Variants in EPC1 observed in about 807,000 individuals in gnomAD.
EPC1 encodes the protein enhancer of polycomb 1.
In EPC1, 12 loss-of-function variants were observed where a neutral mutation model predicts 98.4. That is an observed-to-expected ratio of 0.12 (90% CI 0.08 to 0.20). EPC1 has a LOEUF of 0.20. Among genes scored for constraint, EPC1 ranks in the 10% least tolerant of loss-of-function variants. EPC1 has a pLI of 1.00. For missense variants in EPC1, 729 were observed against 990.5 expected (o/e 0.74, Z 3.54); for synonymous variants, 357 against 363.9 (o/e 0.98, Z 0.21).
At chr10:32,344,621 G>A (rs997070066) in intron 1 of EPC1, among the ~76,000 whole-genome samples, 7 of 151,976 alleles carry the variant, frequency 4.6e-5, no homozygotes, top group Non-Finnish European at 2.9e-5. Context: ...CCCCGTCTCT[G>A]TTAAAAGTAT....
At chr10:32,316,365 A>G (rs1836547131) in intron 1 of EPC1, among the ~76,000 whole-genome samples, 1 of 152,210 alleles carries the variant, frequency 6.6e-6, no homozygotes, top group Non-Finnish European at 1.5e-5. Flanking sequence ...GAAAGACGTG[A>G]GTAAGAATGT....
intron 1 of EPC1, among the ~76,000 whole-genome samples, chr10:32,311,516 T>C (rs1182862472): frequency 2.6e-5 from 4 of 151,264 alleles, no homozygotes; most frequent in African/African-American, 9.7e-5. Flanking sequence ...TAGGTTCTTC[T>C]AAGGCTTAAA....
intron 1 of EPC1, among the ~76,000 whole-genome samples, chr10:32,341,132 T>C (rs1564557019): frequency 6.6e-6 from 1 of 152,234 alleles, no homozygotes; most frequent in Non-Finnish European, 1.5e-5. Context: ...TCACAAATGA[T>C]ACAATTCCAT....
chr10:32,322,353 T>C (rs566439353), intron 1 of EPC1, among the ~76,000 whole-genome samples: 34 of 152,252 alleles, frequency 2.2e-4, no homozygotes, highest in African/African-American at 8.2e-4. Context: ...CAGAAAGTAA[T>C]GAGAAATGAG....
intron 1 of EPC1, among the ~76,000 whole-genome samples, chr10:32,329,349 G>C (rs1369484778): frequency 6.6e-6 from 1 of 152,214 alleles, no homozygotes; most frequent in Non-Finnish European, 1.5e-5. Flanking sequence ...CCAATGGATA[G>C]TGCAATGCTA....
chr10:32,344,528 G>A (rs1443164104), intron 1 of EPC1, among the ~76,000 whole-genome samples: 4 of 150,916 alleles, frequency 2.7e-5, no homozygotes. Flanking sequence ...GCTCATGCCT[G>A]TAATCCCAGC....
chr10:32,297,443 G>A lies in EPC1; in HGVS notation c.314-3706C>T, dbSNP rs1004583038. Among the ~76,000 whole-genome samples the A allele has an allele frequency of 3.3e-5, 5 of 151,566 alleles. No homozygotes were observed. The South Asian group carries it at 8.3e-4, about 25-fold the overall frequency. ...TGGGATTACACATGTCTGCCACCAC[G>A]CCCGGCAAATTTTTGTATTTTTTAG... On this transcript the variant is annotated intron_variant, in intron 2 of 13. Transcript: ENST00000319778.
At chr10:32,277,135 G>C (rs1209711832) in intron 10 of EPC1, among the ~76,000 whole-genome samples, 3 of 152,128 alleles carry the variant, frequency 2.0e-5, no homozygotes, top group Admixed American at 2.0e-4. Flanking sequence ...ATATTTACAA[G>C]AAATCTATCT....
intron 1 of EPC1, among the ~76,000 whole-genome samples, chr10:32,322,684 T>A (rs903890737): frequency 2.6e-5 from 4 of 152,248 alleles, no homozygotes; most frequent in African/African-American, 9.6e-5. Context: ...CATTTGTGCA[T>A]GTTTAAGATG....
At chr10:32,363,025 A>G (rs1451397742) in intron 1 of EPC1, among the ~76,000 whole-genome samples, 2 of 151,356 alleles carry the variant, frequency 1.3e-5, no homozygotes, top group Non-Finnish European at 2.9e-5. Flanking sequence ...ATTTACATCC[A>G]TAAAGGAAAT....
intron 1 of EPC1, among the ~76,000 whole-genome samples, chr10:32,375,779 A>G (rs944285597): frequency 6.6e-6 from 1 of 152,064 alleles, no homozygotes; most frequent in African/African-American, 2.4e-5. Flanking sequence ...GACTAAAATG[A>G]CATTTTGGGA....
intron 1 of EPC1, among the ~76,000 whole-genome samples, chr10:32,333,271 C>T (rs370968728): frequency 6.6e-6 from 1 of 152,056 alleles, no homozygotes; most frequent in East Asian, 1.9e-4. Context: ...ACCTGGGAGG[C>T]GGAGGTTGCA....
At chr10:32,272,965 A>T in intron 11 of EPC1, 198 bp downstream of exon 11, 1 of 1,494,964 alleles carries the variant, frequency 6.7e-7, no homozygotes, top group Non-Finnish European at 9.3e-7. Flanking sequence ...TAAGTGCTTT[A>T]GTTTTACTTT....
At chr10:32,328,227 A>T (rs1334695647) in intron 1 of EPC1, among the ~76,000 whole-genome samples, 1 of 152,226 alleles carries the variant, frequency 6.6e-6, no homozygotes, top group Non-Finnish European at 1.5e-5. Context: ...CAGAGATCCA[A>T]TTAAAATTGT....
intron 1 of EPC1, among the ~76,000 whole-genome samples, chr10:32,310,450 A>T (rs1887533): frequency 0.98 from 148,994 of 152,322 alleles, 72,943 homozygotes; most frequent in East Asian, 1. Flanking sequence ...GAAGCTGAAG[A>T]TTTTCATACC....
At chr10:32,317,569 G>A (rs754534712) in intron 1 of EPC1, among the ~76,000 whole-genome samples, 1 of 152,172 alleles carries the variant, frequency 6.6e-6, no homozygotes, top group East Asian at 1.9e-4. Flanking sequence ...TTGAGCCTGG[G>A]AGGTGGAGGT....
chr10:32,306,475 T>C (rs912792749), intron 1 of EPC1, among the ~76,000 whole-genome samples: 2 of 152,144 alleles, frequency 1.3e-5, no homozygotes, highest in African/African-American at 4.8e-5. Flanking sequence ...TCATACACAT[T>C]TCCAGAGCCC....
intron 1 of EPC1, among the ~76,000 whole-genome samples, chr10:32,358,597 A>G (rs1394757538): frequency 7.3e-6 from 1 of 137,884 alleles, no homozygotes; most frequent in African/African-American, 2.7e-5. Flanking sequence ...GTGGACTGTG[A>G]TCGCGTCACT....
At chr10:32,289,409 TC>T (rs2132717346) in intron 6 of EPC1, among the ~76,000 whole-genome samples, 1 of 148,912 alleles carries the variant, frequency 6.7e-6, no homozygotes, top group Admixed American at 6.8e-5. Flanking sequence ...TTTAAATAAC[TC>T]CCCGCCTCCC....
Sources: gnomAD v4.1 joint callset for allele counts (sites outside exome capture counted in the v4.1 genomes callset) on GRCh38, gnomAD v4.1.1 for gene constraint, MANE v1.5 for transcripts, NCBI Gene and HGNC (gene_info 2026-07-23, HGNC 2026-07-21) for gene names.